Variants in NOC3L observed in about 807,000 individuals in gnomAD.
NOC3L encodes NOC3 like DNA replication regulator, also known as nucleolar complex protein 3 homolog.
NOC3L carries 85 observed loss-of-function variants against 102.5 expected under a neutral mutation model. The ratio of observed to expected loss-of-function variants is 0.83; its 90% CI spans 0.70 to 0.99. The LOEUF (loss-of-function observed/expected upper bound fraction) is 0.99. Among genes scored for constraint, NOC3L ranks in the 50% least tolerant of loss-of-function variants. NOC3L has a pLI of 0.00. For synonymous variants in NOC3L, 303 were observed against 309.4 expected, an observed-to-expected ratio of 0.98 and a Z score of 0.22; for missense variants, 878 against 914.9, an observed-to-expected ratio of 0.96 and a Z score of 0.52.
Position 94,341,037 on chromosome 10 carries a change from T to A in NOC3L, c.1645-541A>T, listed in dbSNP as rs192836451. On this transcript the variant is annotated intron_variant, in intron 14 of 20. Coordinates refer to ENST00000371361, the MANE Select transcript of NOC3L (RefSeq NM_022451.11). ...AAATAGAAAAATTAGCCAGGTATGG[T>A]GCCCCACATCTGTAGTCCCAGCTAC... 1.5e-4 allele frequency among the ~76,000 whole-genome samples: 22 copies of A among 149,622 alleles called. 1 individual carries two copies. The highest frequency in any genetic ancestry group is 1.5e-3 in the Admixed American group (22 of 15,036).
At position 94,344,409 on chromosome 10, in the gene NOC3L, C is replaced by T. The variant is rs1337933165; in HGVS notation, c.1571+6G>A. 5 of 1,597,252 alleles carry T rather than the reference C, an allele frequency of 3.1e-6. No individual in the cohort carries two copies. The highest frequency in any genetic ancestry group is 4.3e-6 in the Non-Finnish European group (5 of 1,165,742). On this transcript the variant is annotated splice_donor_region_variant and intron_variant, in intron 13 of 20. Transcript: ENST00000371361. ...TCTAAAAGATTTCAACCTACACAGC[C>T]CTTACTTGGCAAGACCTTCTAGAAC...
chr10:94,356,584 A>G lies in NOC3L; in HGVS notation c.516T>C (p.Asp172=), dbSNP rs765265370. 9.0e-6 allele frequency: 14 copies of G among 1,548,476 alleles called. No homozygotes were observed. The highest frequency in any genetic ancestry group is 2.3e-5 in the East Asian group (1 of 44,422). The change falls in exon 5 of 21, where the codon GAT becomes GAC. Residue 172 remains aspartate (D), a synonymous_variant. Transcript: ENST00000371361. ...CTTGATCCTCTTCATCTTTGTTACT[A>G]TCAGTAACTATATGGAAAACATATG... is the stretch of plus-strand genomic sequence containing the variant. ...IPQTREKPVT[D]SNKDEEDQEE...
chr10:94,340,054 T>C (rs2054264670), intron 16 of NOC3L, 134 bp from the exon 17 acceptor site: 1 of 797,202 alleles, frequency 1.3e-6, no homozygotes, highest in Non-Finnish European at 2.0e-6. Flanking sequence ...GAGGTAGTGC[T>C]ATACTGCTAA....
intron 1 of NOC3L, among the ~76,000 whole-genome samples, chr10:94,362,343 G>A (rs1467846756): frequency 6.6e-6 from 1 of 152,148 alleles, no homozygotes; most frequent in Non-Finnish European, 1.5e-5. Flanking sequence ...ATAAACTAAG[G>A]AGGGCAAAAC....
chr10:94,357,463 A>G (rs769091985), intron 3 of NOC3L, 132 bp from the exon 4 acceptor site: 33 of 586,246 alleles, frequency 5.6e-5, no homozygotes, highest in Non-Finnish European at 7.7e-5. Context: ...CACTTAGGCT[A>G]GTGTCTGGCA....
Position 94,354,994 on chromosome 10 carries a change from GC to G in NOC3L, c.664del (p.Ala222HisfsTer15). ...QEKKMHIAALASAILSDPENN... is the reference protein window; with the variant it reads ...QEKKMHIAALXSAILSDPENN... ...TTCTGGATCTGATAATATGGCAGATGCCAAGGCTGCAATATGCATCTTCTTC... is the reference window on the plus strand; with the variant it reads ...TTCTGGATCTGATAATATGGCAGATGCAAGGCTGCAATATGCATCTTCTTC... On this transcript the variant is annotated frameshift_variant, in exon 6 of 21. Coordinates refer to ENST00000371361, the MANE Select transcript of NOC3L (RefSeq NM_022451.11). LOFTEE classifies it high-confidence loss of function. 6.2e-7 allele frequency: 1 copy of G among 1,613,160 alleles called. No individual in the cohort carries two copies. The highest frequency in any genetic ancestry group is 8.5e-7 in the Non-Finnish European group (1 of 1,179,674).
At chr10:94,348,940 ATAACCC>A (rs3052365) in intron 10 of NOC3L, among the ~76,000 whole-genome samples, 30,090 of 151,966 alleles carry the variant, frequency 0.2, 3,210 homozygotes, top group East Asian at 0.29. Flanking sequence ...AAAGAATGGG[ATAACCC>A]TATATGTAAG....
chr10:94,361,667 G>A lies in NOC3L; in HGVS notation c.215C>T (p.Pro72Leu), dbSNP rs1349266461. The A allele has an allele frequency of 1.2e-6, 2 of 1,612,404 alleles. No homozygotes were observed. Among genetic ancestry groups the A allele is most frequent in the South Asian group, 1.1e-5 (1 of 90,728 alleles). ...GCACATGATGTTTTCACAATTACCT[G>A]GTCGCTTTTCCTTTGGGTTCTCCAA... ...IPLENPKEKR[P>L]GKRIEREEEE... is the part of the protein sequence containing the mutation. The change falls in exon 2 of 21, where the codon CCA becomes CTA. Residue 72 changes from proline (P) to leucine (L), a missense_variant and splice_region_variant. Pro to Leu is a moderately conservative substitution (Grantham distance 98, BLOSUM62 -3). Transcript: ENST00000371361.
chr10:94,330,593 G>C (rs543220425), downstream of NOC3L: 2 of 151,932 alleles, frequency 1.3e-5, no homozygotes, highest in Non-Finnish European at 2.9e-5. Flanking sequence ...GGGAGGCTGA[G>C]GCAGGAGAGA....
At chr10:94,360,757 C>T (rs555480015) in intron 2 of NOC3L, among the ~76,000 whole-genome samples, 1 of 152,022 alleles carries the variant, frequency 6.6e-6, no homozygotes, top group Non-Finnish European at 1.5e-5. Flanking sequence ...ACCACATTTA[C>T]TCTGATGTGA....
At chr10:94,362,658 C>A (rs2054565287) in intron 1 of NOC3L, among the ~76,000 whole-genome samples, 172 bp downstream of exon 1, 1 of 152,148 alleles carries the variant, frequency 6.6e-6, no homozygotes, top group Admixed American at 6.5e-5. Flanking sequence ...AAGTGGTGCG[C>A]GCACACAGTG....
chr10:94,343,001 T>C (rs11187890), intron 13 of NOC3L, among the ~76,000 whole-genome samples: 10,728 of 151,812 alleles, frequency 0.071, 469 homozygotes, highest in East Asian at 0.19. Context: ...AGGTGACTGC[T>C]TGAACCTGGG....
At chr10:94,335,560 G>A (rs537621886) in intron 19 of NOC3L, among the ~76,000 whole-genome samples, 53 of 152,290 alleles carry the variant, frequency 3.5e-4, no homozygotes, top group African/African-American at 1.2e-3. Flanking sequence ...TACTCAGAAG[G>A]AAAGGGCTCA....
rs1195605138 is a variant in NOC3L, at chr10:94,333,282, T to C, written c.*895A>G. 6.6e-6 allele frequency: 1 copy of C among 152,198 alleles called. No homozygotes were observed. The highest frequency in any genetic ancestry group is 1.9e-4 in the East Asian group (1 of 5,198). 9.4% of individuals were successfully genotyped at this position (152,198 alleles called of 1,614,324 possible). On this transcript the variant is annotated 3_prime_UTR_variant, in exon 21 of 21. Transcript: ENST00000371361. ...AACTATTCACAATAGAGAATATTTA[T>C]AATCTAGTCACTGAAACACGCATTT...
chr10:94,340,554 T>A, intron 14 of NOC3L, 58 bp from the exon 15 acceptor site: 1 of 1,434,464 alleles, frequency 7.0e-7, no homozygotes, highest in Non-Finnish European at 9.6e-7. Context: ...GTAATTGCCA[T>A]TTATAGCTTT....
At position 94,339,862 on chromosome 10, in the gene NOC3L, C is replaced by T. The variant is rs1380885786; in HGVS notation, c.1839G>A (p.Lys613=). The change falls in exon 17 of 21, where the codon AAG becomes AAA. Residue 613 remains lysine (K), a synonymous_variant. Coordinates refer to ENST00000371361, the MANE Select transcript of NOC3L (RefSeq NM_022451.11). ...GCTGCTGAGAAACTTGCTTTCTGCG[C>T]TTAGTTAGCATGACATCAAGGCACT... ...VLQCLDVMLT[K]RRKQVSQQRA... 1.2e-6 allele frequency: 2 copies of T among 1,614,182 alleles called. No homozygotes were observed.
chr10:94,352,173 G>A (rs2054426952), intron 8 of NOC3L, 137 bp downstream of exon 8: 1 of 525,824 alleles, frequency 1.9e-6, no homozygotes, highest in South Asian at 3.3e-5. Context: ...GCCAGGATTT[G>A]ACCCCTGGAA....
intron 19 of NOC3L, among the ~76,000 whole-genome samples, chr10:94,336,079 G>A (rs1053039414): frequency 6.6e-6 from 1 of 152,044 alleles, no homozygotes; most frequent in Non-Finnish European, 1.5e-5. Context: ...CAAGGTCATC[G>A]CCAAGGTCTG....
At chr10:94,319,864 C>CCTT in the NOC3L span, among the ~76,000 whole-genome samples, 2 of 92,914 alleles carry the variant, frequency 2.2e-5, no homozygotes, top group African/African-American at 7.5e-5. Flanking sequence ...CAAAGGTGCT[C>CCTT]TTTTTTTTTT....
Sources: allele counts gnomAD v4.1 joint callset (sites outside exome capture counted in the v4.1 genomes callset), GRCh38; gene constraint gnomAD v4.1.1; transcripts MANE v1.5; gene names NCBI Gene and HGNC (gene_info 2026-07-23, HGNC 2026-07-21).